The following ARG2 variants were observed in gnomAD, a reference collection of about 807,000 sequenced individuals.
The protein encoded by ARG2 is arginase 2.
In ARG2, 21 loss-of-function variants were observed where a neutral mutation model predicts 39.4. The ratio of observed to expected loss-of-function variants is 0.53; its 90% CI spans 0.38 to 0.77. The LOEUF is 0.77. ARG2 is among the 30% of genes least tolerant of loss of function. ARG2 has a pLI of 0.00. For missense variants in ARG2, 378 were observed against 426.2 expected (o/e 0.89, Z 1.00); for synonymous variants, 150 against 156.7 (o/e 0.96, Z 0.32).
At chr14:67,623,560 T>G (rs1330446730) in intron 2 of ARG2, among the ~76,000 whole-genome samples, 1 of 113,492 alleles carries the variant, frequency 8.8e-6, no homozygotes, top group Non-Finnish European at 1.7e-5. Flanking sequence ...TTTTTTTTTT[T>G]GAGACGGAGT....
Position 67,651,536 on chromosome 14 carries a change from A to G in ARG2, c.*616A>G. On this transcript the variant is annotated 3_prime_UTR_variant, in exon 8 of 8. Transcript: ENST00000261783. ...CAGAAGTTTGGATAACCTTCCTTCT[A>G]AACATTTTGGGGTTAGACCTGGGAC... 1.3e-6 allele frequency: 2 copies of G among 1,595,402 alleles called. No homozygotes were observed. Among genetic ancestry groups the G allele is most frequent in the Non-Finnish European group, 1.7e-6 (2 of 1,169,674 alleles).
chr14:67,621,019 A>G, intron 2 of ARG2, 53 bp downstream of exon 2: 1 of 1,548,386 alleles, frequency 6.5e-7, no homozygotes, highest in Non-Finnish European at 8.9e-7. Context: ...AGACCACTTC[A>G]GAGTCTTTTC....
chr14:67,648,145 G>A lies in ARG2; in HGVS notation c.821G>A (p.Arg274Gln), dbSNP rs371149374. ...GTPVVGGLTY[R>Q]EGMYIAEEIH... is the part of the protein sequence containing the mutation. Reference sequence around the variant, plus strand: ...CCTGTTGTCGGGGGACTAACCTATCGAGAAGGCATGTATATTGCTGAGGAA... The same window carrying A: ...CCTGTTGTCGGGGGACTAACCTATCAAGAAGGCATGTATATTGCTGAGGAA... The change falls in exon 7 of 8, where the codon CGA (arginine) becomes CAA (glutamine). Residue 274 changes from arginine to glutamine, a missense_variant. Arg to Gln is a conservative substitution (Grantham distance 43, BLOSUM62 1). Transcript: ENST00000261783. 6.2e-7 allele frequency: 1 copy of A among 1,613,874 alleles called. No homozygotes were observed. The highest frequency in any genetic ancestry group is 1.3e-5 in the African/African-American group (1 of 74,918).
intron 2 of ARG2, among the ~76,000 whole-genome samples, chr14:67,633,079 G>A (rs919725287): frequency 2.0e-5 from 3 of 151,738 alleles, no homozygotes; most frequent in African/African-American, 4.8e-5. Flanking sequence ...CTCGGCCTCC[G>A]AAAGTGCTGG....
At chr14:67,649,030 G>C (rs140464466) in intron 7 of ARG2, 1 of 152,180 alleles carries the variant, frequency 6.6e-6, no homozygotes, top group South Asian at 2.1e-4. Context: ...AAAAAGGCAG[G>C]CAGTACTGGT....
At position 67,619,975 on chromosome 14, in the gene ARG2, A is replaced by G; in HGVS notation, c.-3A>G. 6.3e-7 allele frequency: 1 copy of G among 1,587,936 alleles called. No homozygotes were observed. The highest frequency in any genetic ancestry group is 1.1e-5 in the South Asian group (1 of 88,234). On this transcript the variant is annotated 5_prime_UTR_variant, in exon 1 of 8. Transcript: ENST00000261783. The stretch of plus-strand genomic sequence containing the variant: ...GCCTTGGAGATTCTCAGTGCTGCGG[A>G]TCATGTCCCTAAGGGGCAGCCTCTC...
chr14:67,622,517 T>C (rs1019237915), intron 2 of ARG2, among the ~76,000 whole-genome samples: 10 of 152,202 alleles, frequency 6.6e-5, no homozygotes, highest in African/African-American at 2.4e-4. Context: ...TTTTAATAAC[T>C]CTCCAAGTTC....
rs761870615 is a variant in ARG2 at position 67,650,889 on chromosome 14, A to C, written c.1034A>C (p.Glu345Ala). 6.2e-7 allele frequency: 1 copy of C among 1,614,124 alleles called. No individual in the cohort carries two copies. Among genetic ancestry groups the C allele is most frequent in the Admixed American group, 1.7e-5 (1 of 60,024 alleles). The part of the protein sequence containing the change: ...DQLPTPSSPD[E>A]SENQARVRI ...CTTCCTACTCCCAGTTCACCAGATG[A>C]ATCAGAAAATCAAGCACGTGTGAGA... Residue 345 changes from glutamate to alanine, a missense_variant, in exon 8 of 8, where the codon GAA becomes GCA. Glu to Ala is a moderately radical substitution (Grantham distance 107). Coordinates refer to ENST00000261783, the MANE Select transcript of ARG2 (RefSeq NM_001172.4).
intron 2 of ARG2, among the ~76,000 whole-genome samples, chr14:67,636,576 G>T (rs545440683): frequency 1.3e-5 from 2 of 152,338 alleles, no homozygotes; most frequent in South Asian, 4.1e-4. Context: ...GCTAAGGTCA[G>T]GTAAGGCTGT....
chr14:67,623,944 G>A lies in ARG2; in HGVS notation c.184+2978G>A, dbSNP rs374585201. On this transcript the variant is annotated intron_variant, in intron 2 of 7. Coordinates refer to ENST00000261783, the MANE Select transcript of ARG2 (RefSeq NM_001172.4). ...CAATCTCAACCTCCTGGACTCAAGC[G>A]ATCCTCCCACTTTAGCCTCTTGAGT... 1.8e-4 allele frequency among the ~76,000 whole-genome samples: 28 copies of A among 152,164 alleles called. No homozygotes were observed. The East Asian group carries it at 2.1e-3, about 12-fold the overall frequency.
In ARG2 at chr14:67,651,285, T is replaced by TGTCA. The variant is rs773999577; in HGVS notation, c.*367_*370dup. On this transcript the variant is annotated 3_prime_UTR_variant, in exon 8 of 8. Transcript: ENST00000261783. ...CTGGCTATACAGTGCATCCTTGAAC[T>TGTCA]GTCAGCCCACAGCAGCAATATGCTT... 2 of 1,599,386 alleles carry TGTCA rather than the reference T, an allele frequency of 1.3e-6. No individual in the cohort carries two copies. The highest frequency in any genetic ancestry group is 1.7e-5 in the Admixed American group (1 of 59,262).
chr14:67,623,532 AC>A (rs2036832362), intron 2 of ARG2, among the ~76,000 whole-genome samples: 1 of 124,752 alleles, frequency 8.0e-6, no homozygotes, highest in African/African-American at 3.3e-5. Flanking sequence ...CTCTCAGGTA[AC>A]CTTTTTTTTT....
At chr14:67,637,350 G>T (rs1342095819) in intron 2 of ARG2, among the ~76,000 whole-genome samples, 2 of 143,830 alleles carry the variant, frequency 1.4e-5, no homozygotes, top group African/African-American at 5.1e-5. Context: ...GGTGGAGGTT[G>T]CAGTGAGCCG....
chr14:67,619,983 C>T lies in ARG2; in HGVS notation c.6C>T (p.Ser2=). The T allele has an allele frequency of 6.2e-7, 1 of 1,600,856 alleles. No homozygotes were observed. Among genetic ancestry groups the T allele is most frequent in the Non-Finnish European group, 8.5e-7 (1 of 1,173,854 alleles). Residue 2 remains serine (S), a synonymous_variant, in exon 1 of 8, where the codon TCC becomes TCT. Transcript: ENST00000261783. M[S]LRGSLSRLLQ... ...GATTCTCAGTGCTGCGGATCATGTC[C>T]CTAAGGGGCAGCCTCTCGCGTCTCC...
Position 67,647,971 on chromosome 14 carries a change from C to T in ARG2, c.723-76C>T. 7 of 1,401,260 alleles carry T rather than the reference C, an allele frequency of 5.0e-6. No individual in the cohort carries two copies. In the South Asian group the frequency reaches 9.1e-5, roughly 18 times the overall value. The allele number at this position is 1,401,260 out of a possible 1,614,324, so 86.8% of individuals were successfully genotyped here. ...TAGCAACAAAATCAAGGAGTTGCAA[C>T]CATAAGAAGGATGAGTGTCCAAGGA... On this transcript the variant is annotated intron_variant, in intron 6 of 7. Coordinates refer to ENST00000261783, the MANE Select transcript of ARG2 (RefSeq NM_001172.4).
At chr14:67,631,948 C>T (rs1431513200) in intron 2 of ARG2, among the ~76,000 whole-genome samples, 2 of 152,170 alleles carry the variant, frequency 1.3e-5, no homozygotes, top group African/African-American at 2.4e-5. Flanking sequence ...AATCTTGGCT[C>T]ACTACAACCT....
intron 2 of ARG2, among the ~76,000 whole-genome samples, chr14:67,625,849 C>T (rs962816465): frequency 1.3e-5 from 2 of 151,358 alleles, no homozygotes; most frequent in Non-Finnish European, 2.9e-5. Context: ...AAATAACAAC[C>T]GTAAAAAGAC....
At chr14:67,620,306 C>T (rs2036795534) in intron 1 of ARG2, among the ~76,000 whole-genome samples, 1 of 151,918 alleles carries the variant, frequency 6.6e-6, no homozygotes, top group Admixed American at 6.6e-5. Context: ...GGAGGGCACC[C>T]TGTTTGGGAT....
At chr14:67,639,818 G>T (rs538543867) in intron 2 of ARG2, among the ~76,000 whole-genome samples, 1 of 151,934 alleles carries the variant, frequency 6.6e-6, no homozygotes, top group African/African-American at 2.4e-5. Flanking sequence ...CCAGCTACTT[G>T]GGAGGCTGAG....
Sources: gnomAD v4.1 joint callset for allele counts (sites outside exome capture counted in the v4.1 genomes callset) on GRCh38, gnomAD v4.1.1 for gene constraint, MANE v1.5 for transcripts, NCBI Gene and HGNC (gene_info 2026-07-23, HGNC 2026-07-21) for gene names.